Variants in GAS2 observed in about 807,000 individuals in gnomAD.
GAS2 encodes growth arrest-specific protein 2.
GAS2 carries 20 observed loss-of-function variants against 37.5 expected under a neutral mutation model. The ratio of observed to expected loss-of-function variants is 0.53; its 90% CI spans 0.37 to 0.77. The LOEUF is 0.77. Among genes scored for constraint, GAS2 ranks in the 30% least tolerant of loss-of-function variants. The pLI is 0.00. For missense variants in GAS2, 336 were observed against 373.4 expected, an observed-to-expected ratio of 0.90 and a Z score of 0.82; for synonymous variants, 144 against 132.2, an observed-to-expected ratio of 1.09 and a Z score of -0.61.
At chr11:22,650,325 G>T (rs1386266207) in intron 1 of GAS2, among the ~76,000 whole-genome samples, 1 of 150,602 alleles carries the variant, frequency 6.6e-6, no homozygotes, top group Non-Finnish European at 1.5e-5. Flanking sequence ...GGTGAGGAGA[G>T]CTTTACTTCC....
intron 3 of GAS2, among the ~76,000 whole-genome samples, chr11:22,700,987 T>C (rs1343066691): frequency 1.3e-5 from 2 of 152,312 alleles, no homozygotes; most frequent in Middle Eastern, 3.4e-3. Context: ...CTCAATAAAA[T>C]AGTTGGTGAG....
At chr11:22,739,892 A>G (rs1371846829) in intron 5 of GAS2, among the ~76,000 whole-genome samples, 1 of 152,038 alleles carries the variant, frequency 6.6e-6, no homozygotes, top group Non-Finnish European at 1.5e-5. Flanking sequence ...CTCTAGAATT[A>G]GGTGGGATTT....
intron 3 of GAS2, among the ~76,000 whole-genome samples, chr11:22,693,034 G>A (rs1190734226): frequency 1.3e-5 from 2 of 151,998 alleles, no homozygotes; most frequent in Admixed American, 1.3e-4. Context: ...CTACCCTCCA[G>A]AATGTGTGTA....
intron 1 of GAS2, chr11:22,626,021 A>C (rs1858647259): frequency 4.7e-6 from 3 of 635,242 alleles, no homozygotes; most frequent in Admixed American, 2.4e-5. Flanking sequence ...GGTTCTTCTT[A>C]GTGGAGGGAG....
intron 2 of GAS2, among the ~76,000 whole-genome samples, chr11:22,683,513 G>A (rs755270112): frequency 1.3e-5 from 2 of 152,120 alleles, no homozygotes; most frequent in Non-Finnish European, 2.9e-5. Flanking sequence ...TGATCTGCCT[G>A]TCTTGGCCTC....
rs2133852975 is a variant in GAS2 at position 22,666,824 on chromosome 11, C to T, written c.-96C>T. The T allele has an allele frequency of 6.5e-6, 1 of 152,702 alleles. No individual in the cohort carries two copies. Among genetic ancestry groups the T allele is most frequent in the South Asian group, 2.1e-4 (1 of 4,834 alleles). 9.5% of individuals were successfully genotyped at this position (152,702 alleles called of 1,614,324 possible). The stretch of plus-strand genomic sequence containing the variant: ...GACCTGTGCCTGGAGGGGGCCGGCC[C>T]CGAGAAGCTGCAGGAGCCCAGCCCG... On this transcript the variant is annotated 5_prime_UTR_variant, in exon 1 of 8. Coordinates refer to ENST00000454584, the MANE Select transcript of GAS2 (RefSeq NM_001143830.3).
chr11:22,789,400 GTGTA>G (rs1856001689), intron 7 of GAS2, among the ~76,000 whole-genome samples: 1 of 115,008 alleles, frequency 8.7e-6, no homozygotes, highest in Admixed American at 9.6e-5. Context: ...ATGTGTGTGT[GTGTA>G]TGTGTGTGTA....
At chr11:22,685,187 C>T (rs910017792) in intron 2 of GAS2, among the ~76,000 whole-genome samples, 6 of 151,964 alleles carry the variant, frequency 3.9e-5, no homozygotes, top group African/African-American at 1.5e-4. Flanking sequence ...AGCGAGAGAC[C>T]TACGGCGTTC....
chr11:22,808,278 T>C (rs527701523), intron 7 of GAS2, among the ~76,000 whole-genome samples: 1 of 152,288 alleles, frequency 6.6e-6, no homozygotes, highest in South Asian at 2.1e-4. Context: ...TACAATTATG[T>C]CCATTAGACT....
intron 1 of GAS2, among the ~76,000 whole-genome samples, chr11:22,636,268 A>G (rs779626312): frequency 1.5e-4 from 23 of 152,166 alleles, no homozygotes; most frequent in Non-Finnish European, 3.2e-4. Context: ...AGGAGGTTGT[A>G]TTAAATTAAG....
chr11:22,729,531 T>C (rs1336425348), intron 4 of GAS2, among the ~76,000 whole-genome samples: 1 of 151,844 alleles, frequency 6.6e-6, no homozygotes, highest in Non-Finnish European at 1.5e-5. Flanking sequence ...TGACATTCTT[T>C]AGAGATAATT....
intron 1 of GAS2, among the ~76,000 whole-genome samples, chr11:22,632,587 A>G (rs986638882): frequency 5.9e-5 from 9 of 152,104 alleles, no homozygotes; most frequent in African/African-American, 2.2e-4. Context: ...GTATTTGAAT[A>G]TCTAAATTGC....
intron 7 of GAS2, 81 bp from the exon 8 acceptor site, chr11:22,811,717 A>G (rs757194546): frequency 9.8e-6 from 13 of 1,326,518 alleles, no homozygotes; most frequent in Non-Finnish European, 1.4e-5. Flanking sequence ...CCAAAACACT[A>G]ATTTCACTAG....
chr11:22,697,617 C>A (rs1268267370), intron 3 of GAS2, among the ~76,000 whole-genome samples: 3 of 152,126 alleles, frequency 2.0e-5, no homozygotes, highest in Non-Finnish European at 2.9e-5. Flanking sequence ...TCTTTTATTT[C>A]ATTGAGCAGT....
chr11:22,703,627 C>G (rs1205394303), intron 3 of GAS2, among the ~76,000 whole-genome samples: 1 of 152,142 alleles, frequency 6.6e-6, no homozygotes, highest in African/African-American at 2.4e-5. Flanking sequence ...AATGTAAGCA[C>G]TCACCATATT....
chr11:22,707,078 A>G (rs578246166), intron 3 of GAS2, among the ~76,000 whole-genome samples: 328 of 152,154 alleles, frequency 2.2e-3, no homozygotes, highest in African/African-American at 7.8e-3. Flanking sequence ...CATTTCTCTG[A>G]TGGTTTTGAG....
At chr11:22,704,624 T>TATATATATATATAG (rs1565098343) in intron 3 of GAS2, among the ~76,000 whole-genome samples, 1 of 140,522 alleles carries the variant, frequency 7.1e-6, no homozygotes, top group African/African-American at 2.6e-5. Context: ...TATATATATA[T>TATATATATATATAG]TTTGCTCATC....
intron 6 of GAS2, among the ~76,000 whole-genome samples, chr11:22,750,332 G>C (rs1331976780): frequency 6.6e-6 from 1 of 152,044 alleles, no homozygotes; most frequent in Non-Finnish European, 1.5e-5. Context: ...AGATTTCTCT[G>C]ACTTTTGCTT....
intron 7 of GAS2, among the ~76,000 whole-genome samples, chr11:22,783,342 C>T (rs368541654): frequency 1.7e-4 from 26 of 152,214 alleles, no homozygotes; most frequent in African/African-American, 4.6e-4. Context: ...CTGGATATCA[C>T]ACTTTTATCA....
Sources: gnomAD v4.1 joint callset for allele counts (sites outside exome capture counted in the v4.1 genomes callset) on GRCh38, gnomAD v4.1.1 for gene constraint, MANE v1.5 for transcripts, NCBI Gene and HGNC (gene_info 2026-07-23, HGNC 2026-07-21) for gene names.